SEMA6D: variants seen among roughly 807,000 people sequenced by gnomAD.
The protein encoded by SEMA6D is semaphorin-6D.
SEMA6D carries 35 observed loss-of-function variants against 106.6 expected under a neutral mutation model. The observed-to-expected ratio is 0.33, with a 90% CI of 0.25 to 0.44. The LOEUF (loss-of-function observed/expected upper bound fraction) is 0.44. Ranked by LOEUF, SEMA6D falls within the 20% of genes least tolerant of loss-of-function variation. SEMA6D has a pLI of 1.00. For synonymous variants in SEMA6D, 499 were observed against 487.7 expected (o/e 1.02, Z -0.31); for missense variants, 1,185 against 1,345.9 (o/e 0.88, Z 1.87).
intron 9 of SEMA6D, among the ~76,000 whole-genome samples, 186 bp from the exon 10 acceptor site, chr15:47,763,664 C>G (rs570368970): frequency 1.3e-5 from 2 of 152,126 alleles, no homozygotes; most frequent in Admixed American, 6.5e-5. Context: ...GAAAGTGGCT[C>G]TTTTTTCCCC....
intron 2 of SEMA6D, among the ~76,000 whole-genome samples, chr15:47,414,477 G>A (rs986470406): frequency 6.6e-6 from 1 of 152,194 alleles, no homozygotes; most frequent in Non-Finnish European, 1.5e-5. Context: ...AAACACGCAT[G>A]TGATTGGCCT....
intron 1 of SEMA6D, among the ~76,000 whole-genome samples, chr15:47,755,887 ATAT>A (rs1314775182): frequency 1.3e-5 from 2 of 149,800 alleles, no homozygotes; most frequent in African/African-American, 4.9e-5. Flanking sequence ...ATAAGTATAA[ATAT>A]TATATAAAAT....
chr15:47,265,349 CTA>C (rs1466612979), intron 1 of SEMA6D, among the ~76,000 whole-genome samples: 1 of 151,244 alleles, frequency 6.6e-6, no homozygotes, highest in Non-Finnish European at 1.5e-5. Flanking sequence ...GAGTTTGTGT[CTA>C]TGATTGTATC....
At chr15:47,721,468 C>T (rs2079418811) in intron 1 of SEMA6D, among the ~76,000 whole-genome samples, 1 of 152,138 alleles carries the variant, frequency 6.6e-6, no homozygotes. Flanking sequence ...CAGCTGCCAA[C>T]TTCCAATTGG....
intron 1 of SEMA6D, among the ~76,000 whole-genome samples, chr15:47,728,075 G>A (rs894081057): frequency 1.3e-4 from 20 of 152,168 alleles, no homozygotes; most frequent in Admixed American, 2.6e-4. Context: ...TCTGTGTACC[G>A]TATGTGTGTA....
At chr15:47,612,642 T>C (rs905422968) in intron 4 of SEMA6D, among the ~76,000 whole-genome samples, 2 of 152,246 alleles carry the variant, frequency 1.3e-5, no homozygotes, top group African/African-American at 2.4e-5. Flanking sequence ...GTATCTGGGC[T>C]TAGAAAATGT....
intron 4 of SEMA6D, among the ~76,000 whole-genome samples, chr15:47,684,734 A>G: frequency 6.6e-6 from 1 of 152,232 alleles, no homozygotes; most frequent in East Asian, 1.9e-4. Flanking sequence ...TTAAAATGGT[A>G]ATTCCCTTTT....
At chr15:47,294,978 G>A (rs942879169) in intron 1 of SEMA6D, among the ~76,000 whole-genome samples, 3 of 152,172 alleles carry the variant, frequency 2.0e-5, no homozygotes, top group African/African-American at 7.2e-5. Context: ...AGCTGCCTCT[G>A]AAAGGAATCA....
At chr15:47,348,721 C>CAGAGAGAGAGAGAG (rs1313096616) in intron 1 of SEMA6D, among the ~76,000 whole-genome samples, 5 of 24,632 alleles carry the variant, frequency 2.0e-4, no homozygotes, top group African/African-American at 4.9e-4. Context: ...ACACACACCA[C>CAGAGAGAGAGAGAG]ACACACAGAG....
At chr15:47,609,663 A>C (rs146578772) in intron 4 of SEMA6D, among the ~76,000 whole-genome samples, 312 of 152,326 alleles carry the variant, frequency 2.0e-3, no homozygotes, top group African/African-American at 7.3e-3. Flanking sequence ...GTAAGTCAAA[A>C]GGCTTACTAA....
chr15:47,612,450 C>T (rs1566934853), intron 4 of SEMA6D, among the ~76,000 whole-genome samples: 2 of 152,152 alleles, frequency 1.3e-5, no homozygotes, highest in African/African-American at 2.4e-5. Context: ...AGAGTAATGC[C>T]GTTAAAAATC....
At chr15:47,486,175 G>A (rs980020821) in intron 3 of SEMA6D, among the ~76,000 whole-genome samples, 1 of 152,174 alleles carries the variant, frequency 6.6e-6, no homozygotes, top group African/African-American at 2.4e-5. Flanking sequence ...ACAAGGCAGA[G>A]TTGCAAACAA....
chr15:47,230,154 C>A (rs2032088915), intron 1 of SEMA6D, among the ~76,000 whole-genome samples: 1 of 152,002 alleles, frequency 6.6e-6, no homozygotes, highest in Non-Finnish European at 1.5e-5. Flanking sequence ...AAGCAATCTG[C>A]AAAACTTTTA....
At chr15:47,278,190 T>C (rs1260416725) in intron 1 of SEMA6D, among the ~76,000 whole-genome samples, 2 of 152,196 alleles carry the variant, frequency 1.3e-5, no homozygotes, top group African/African-American at 4.8e-5. Flanking sequence ...ATTGCCACAC[T>C]GACTTCCACA....
intron 1 of SEMA6D, among the ~76,000 whole-genome samples, chr15:47,407,418 C>CAA (rs1284593846): frequency 1.0e-5 from 1 of 97,830 alleles, no homozygotes; most frequent in South Asian, 3.5e-4. Context: ...ACAAAAAAAA[C>CAA]AAAAAAAACA....
intron 3 of SEMA6D, among the ~76,000 whole-genome samples, chr15:47,474,276 G>A (rs2042940515): frequency 6.6e-6 from 1 of 152,158 alleles, no homozygotes; most frequent in South Asian, 2.1e-4. Flanking sequence ...TGTCACAATT[G>A]GAGTCAGAAT....
chr15:47,190,026 G>T (rs1383189386), intron 1 of SEMA6D, among the ~76,000 whole-genome samples: 1 of 152,204 alleles, frequency 6.6e-6, no homozygotes, highest in East Asian at 1.9e-4. Flanking sequence ...AAGTGCTGGA[G>T]TAAATTCGCA....
At chr15:47,529,693 G>T (rs920162180) in intron 3 of SEMA6D, among the ~76,000 whole-genome samples, 1 of 151,816 alleles carries the variant, frequency 6.6e-6, no homozygotes, top group Non-Finnish European at 1.5e-5. Flanking sequence ...ATTAGTGATG[G>T]CTCCACTAGC....
At chr15:47,420,763 C>A (rs1394243657) in intron 2 of SEMA6D, among the ~76,000 whole-genome samples, 2 of 152,106 alleles carry the variant, frequency 1.3e-5, no homozygotes, top group African/African-American at 4.8e-5. Context: ...ATCAGTCATT[C>A]TATGGGACTA....
Sources: gnomAD v4.1 joint callset for allele counts (sites outside exome capture counted in the v4.1 genomes callset) on GRCh38, gnomAD v4.1.1 for gene constraint, MANE v1.5 for transcripts, NCBI Gene and HGNC (gene_info 2026-07-23, HGNC 2026-07-21) for gene names.